Variants in CPPED1 observed in about 807,000 individuals in gnomAD.
CPPED1 encodes serine/threonine-protein phosphatase CPPED1.
In CPPED1, 28 loss-of-function variants were observed where a neutral mutation model predicts 28.0. The ratio of observed to expected loss-of-function variants is 1.00; its 90% CI spans 0.74 to 1.37. The LOEUF (loss-of-function observed/expected upper bound fraction) is 1.37. Among genes scored for constraint, CPPED1 ranks in the 40% most tolerant of loss-of-function variants. CPPED1 has a pLI of 0.00. For synonymous variants in CPPED1, 198 were observed against 180.2 expected (o/e 1.10, Z -0.79); for missense variants, 504 against 416.5 (o/e 1.21, Z -1.83).
At chr16:12,783,845 T>C (rs1351369374) in intron 1 of CPPED1, among the ~76,000 whole-genome samples, 1 of 152,166 alleles carries the variant, frequency 6.6e-6, no homozygotes, top group Non-Finnish European at 1.5e-5. Flanking sequence ...GAAGTCAATC[T>C]GAACAAAGGC....
At chr16:12,753,373 G>A (rs936464244) in intron 2 of CPPED1, 2 of 152,138 alleles carry the variant, frequency 1.3e-5, no homozygotes, top group East Asian at 1.9e-4. Context: ...GAAATCCTAC[G>A]AAGCCATGGC....
At chr16:12,686,230 T>A (rs2079932305) in intron 3 of CPPED1, among the ~76,000 whole-genome samples, 1 of 117,896 alleles carries the variant, frequency 8.5e-6, no homozygotes, top group Non-Finnish European at 1.6e-5. Flanking sequence ...ATTAATTGTA[T>A]ATATATATAT....
In CPPED1 at chr16:12,790,896, G is replaced by A. The variant is rs1331271175; in HGVS notation, c.71-9493C>T. ...GATCACACCACTGCACTCCAGCCTGGTGATAGAGCAAGACTCTATCTCAAA... is the reference window on the plus strand; with the variant it reads ...GATCACACCACTGCACTCCAGCCTGATGATAGAGCAAGACTCTATCTCAAA... On this transcript the variant is annotated intron_variant, in intron 1 of 3. Transcript: ENST00000381774. 2.8e-5 allele frequency among the ~76,000 whole-genome samples: 4 copies of A among 141,354 alleles called. No individual in the cohort carries two copies. In the Admixed American group the frequency reaches 2.9e-4, roughly 10 times the overall value. The allele number at this position is 141,354 out of a possible 152,430, so 92.7% of individuals were successfully genotyped here.
chr16:12,748,209 T>C (rs558068653), intron 2 of CPPED1, among the ~76,000 whole-genome samples: 17 of 152,304 alleles, frequency 1.1e-4, no homozygotes, highest in Admixed American at 3.9e-4. Flanking sequence ...GAAAACAACC[T>C]ATGCCCAAAC....
Position 12,712,353 on chromosome 16 carries a change from C to A in CPPED1, c.290-7304G>T, listed in dbSNP as rs143321390. Among the ~76,000 whole-genome samples, 461 of 152,242 alleles carry A rather than the reference C, an allele frequency of 3.0e-3. 3 individuals are homozygous for A. Among genetic ancestry groups the A allele is most frequent in the African/African-American group, 0.01 (430 of 41,538 alleles). On this transcript the variant is annotated intron_variant, in intron 2 of 3. Coordinates refer to ENST00000381774, the MANE Select transcript of CPPED1 (RefSeq NM_018340.3). ...ATAGCTCAGTAATTAAAACTCCTTT[C>A]AGGGGGCAAGTAGAACTCCTTTCAG...
chr16:12,724,288 A>G (rs1337045175), intron 2 of CPPED1, among the ~76,000 whole-genome samples: 4 of 151,946 alleles, frequency 2.6e-5, no homozygotes, highest in African/African-American at 9.7e-5. Flanking sequence ...CAGTGAGCTC[A>G]CCCTCTGTCC....
At chr16:12,707,326 C>T (rs1422844417) in intron 2 of CPPED1, among the ~76,000 whole-genome samples, 1 of 152,182 alleles carries the variant, frequency 6.6e-6, no homozygotes, top group Non-Finnish European at 1.5e-5. Context: ...GCACTTCCTA[C>T]AGGCCAGGCA....
intron 2 of CPPED1, among the ~76,000 whole-genome samples, chr16:12,730,959 A>C (rs2080193989): frequency 6.6e-6 from 1 of 152,148 alleles, no homozygotes; most frequent in African/African-American, 2.4e-5. Flanking sequence ...GAGCTAAAAC[A>C]GAAAGATGGC....
In CPPED1 at chr16:12,766,256, TAGAG is replaced by T. The variant is rs1555490100; in HGVS notation, c.289+14925_289+14928del. On this transcript the variant is annotated intron_variant, in intron 2 of 3. Coordinates refer to ENST00000381774, the MANE Select transcript of CPPED1 (RefSeq NM_018340.3). ...AAAAAAATACAAATATATATATATA[TAGAG>T]AGAGAGAGAGAGAGAGGGAGAGAGA... Among the ~76,000 whole-genome samples, 4 of 134,288 alleles carry T rather than the reference TAGAG, an allele frequency of 3.0e-5. No individual in the cohort carries two copies. The East Asian group carries it at 5.9e-4, about 20-fold the overall frequency. The allele number at this position is 134,288 out of a possible 152,430, so 88.1% of individuals were successfully genotyped here.
chr16:12,682,386 C>T lies in CPPED1; in HGVS notation c.716-17271G>A, dbSNP rs1289232801. ...GCTATGCTCAACTTTTTATTTTTTC[C>T]CCTTCCTGATGACTTACAGATTCAA... On this transcript the variant is annotated intron_variant, in intron 3 of 3. Coordinates refer to ENST00000381774, the MANE Select transcript of CPPED1 (RefSeq NM_018340.3). This position sits in a 1 kb window ranked among gnomAD's most constrained non-coding sequence, Gnocchi z 6.1. Among the ~76,000 whole-genome samples the T allele has an allele frequency of 6.6e-6, 1 of 152,080 alleles. No individual in the cohort carries two copies. Among genetic ancestry groups the T allele is most frequent in the Non-Finnish European group, 1.5e-5 (1 of 67,992 alleles).
intron 2 of CPPED1, among the ~76,000 whole-genome samples, chr16:12,712,664 G>A (rs190190982): frequency 2.0e-5 from 3 of 152,266 alleles, no homozygotes; most frequent in Admixed American, 2.0e-4. Flanking sequence ...TTAAGGTTTG[G>A]GGAGCAAGGG....
chr16:12,669,668 T>A (rs2079843873), intron 3 of CPPED1, among the ~76,000 whole-genome samples: 1 of 152,208 alleles, frequency 6.6e-6, no homozygotes, highest in African/African-American at 2.4e-5. Flanking sequence ...TAGACATTCG[T>A]TTCCTTGCTC....
At chr16:12,757,933 A>T (rs1312535531) in intron 2 of CPPED1, 1 of 151,844 alleles carries the variant, frequency 6.6e-6, no homozygotes, top group East Asian at 2.0e-4. Context: ...AGAAGAACAC[A>T]TTATTGAGGC....
At chr16:12,719,486 A>G (rs1442905797) in intron 2 of CPPED1, among the ~76,000 whole-genome samples, 1 of 152,150 alleles carries the variant, frequency 6.6e-6, no homozygotes, top group Non-Finnish European at 1.5e-5. Flanking sequence ...GGATTATGCA[A>G]ATATGCCTAG....
In CPPED1 at chr16:12,662,916, C is replaced by T. The variant is rs1175625053; in HGVS notation, c.*1970G>A. ...ATTATCCTTCTGCAAACCCATGTGC[C>T]ACAATTCAGAGCATTGTGCATACGT... On this transcript the variant is annotated 3_prime_UTR_variant, in exon 4 of 4. Coordinates refer to ENST00000381774, the MANE Select transcript of CPPED1 (RefSeq NM_018340.3). The T allele has an allele frequency of 6.6e-6, 1 of 152,142 alleles. No individual in the cohort carries two copies. The highest frequency in any genetic ancestry group is 2.4e-5 in the African/African-American group (1 of 41,406). The allele number at this position is 152,142 out of a possible 1,614,324, so 9.4% of individuals were successfully genotyped here.
In CPPED1 at chr16:12,709,574, G is replaced by C. The variant is rs1259953940; in HGVS notation, c.290-4525C>G. On this transcript the variant is annotated intron_variant, in intron 2 of 3. Transcript: ENST00000381774. The surrounding 1 kb of genome is among the most constrained non-coding windows in gnomAD (Gnocchi z 4.4). ...CTTATTTGTATCAGTGGTACTGTGAGAGGTATGATTTATTTTTGTCCATAT... is the reference window on the plus strand; with the variant it reads ...CTTATTTGTATCAGTGGTACTGTGACAGGTATGATTTATTTTTGTCCATAT... 6.6e-6 allele frequency among the ~76,000 whole-genome samples: 1 copy of C among 152,206 alleles called. No homozygotes were observed. The highest frequency in any genetic ancestry group is 1.5e-5 in the Non-Finnish European group (1 of 68,032).
chr16:12,663,515 T>C lies in CPPED1; in HGVS notation c.*1371A>G, dbSNP rs761050057. ...TTTTTTAAAAAATTTAATTTTCTTG[T>C]GGCACATAACAATGAACTCTGGTGT... On this transcript the variant is annotated 3_prime_UTR_variant, in exon 4 of 4. Coordinates refer to ENST00000381774, the MANE Select transcript of CPPED1 (RefSeq NM_018340.3). 1.3e-5 allele frequency: 2 copies of C among 152,188 alleles called. No individual in the cohort carries two copies. Among genetic ancestry groups the C allele is most frequent in the Non-Finnish European group, 2.9e-5 (2 of 68,032 alleles). The allele number at this position is 152,188 out of a possible 1,614,324, so 9.4% of individuals were successfully genotyped here. A position where few individuals can be genotyped will look rare whatever the true frequency, so the allele number is the denominator to read the frequency against.
chr16:12,789,245 C>G (rs758310631), intron 1 of CPPED1, among the ~76,000 whole-genome samples: 8 of 152,174 alleles, frequency 5.3e-5, no homozygotes, highest in Non-Finnish European at 1.2e-4. Context: ...CAATTTACCA[C>G]CTGGCTGCTG....
chr16:12,713,234 T>G lies in CPPED1; in HGVS notation c.290-8185A>C, dbSNP rs138756779. The stretch of plus-strand genomic sequence containing the variant: ...AAAGAGAGTTTTCTTCTAGAGCAGA[T>G]GACTTTAAACGTCAACACCTAGTGA... On this transcript the variant is annotated intron_variant, in intron 2 of 3. Coordinates refer to ENST00000381774, the MANE Select transcript of CPPED1 (RefSeq NM_018340.3). Among the ~76,000 whole-genome samples, 874 of 152,346 alleles carry G rather than the reference T, an allele frequency of 5.7e-3. 7 individuals carry two copies. Among genetic ancestry groups the G allele is most frequent in the Middle Eastern group, 0.017 (5 of 294 alleles).
Sources: allele counts gnomAD v4.1 joint callset (sites outside exome capture counted in the v4.1 genomes callset), GRCh38; gene constraint gnomAD v4.1.1; non-coding constraint Gnocchi (gnomAD v3.1); transcripts MANE v1.5; gene names NCBI Gene and HGNC (gene_info 2026-07-23, HGNC 2026-07-21).